AMPD1: variants seen among roughly 807,000 people sequenced by gnomAD.
The protein encoded by AMPD1 is adenosine monophosphate deaminase 1, also known as AMP deaminase 1.
In AMPD1, 74 loss-of-function variants were observed where a neutral mutation model predicts 82.9. The observed-to-expected ratio is 0.89, with a 90% CI of 0.74 to 1.08. AMPD1 has a LOEUF of 1.08. AMPD1 is among the 50% of genes least tolerant of loss of function. The pLI is 0.00. For missense variants in AMPD1, 881 were observed against 924.5 expected, an observed-to-expected ratio of 0.95 and a Z score of 0.61; for synonymous variants, 333 against 320.5, an observed-to-expected ratio of 1.04 and a Z score of -0.42.
rs768544368 is a variant in AMPD1 at position 114,674,809 on chromosome 1, A to G, written c.1743T>C (p.His581=). ...CTGCTATCATGAATGCTGTCATGAG[A>G]TGGGTGAGGGCTCCAGCTTCTCCAC... ...PHCGEAGALT[H]LMTAFMIADD... Residue 581 remains histidine, a synonymous_variant, in exon 13 of 16, where the codon CAT becomes CAC. Coordinates refer to ENST00000520113, the MANE Select transcript of AMPD1 (RefSeq NM_000036.3). The G allele has an allele frequency of 4.3e-6, 7 of 1,613,678 alleles. No homozygotes were observed. The highest frequency in any genetic ancestry group is 5.1e-6 in the Non-Finnish European group (6 of 1,179,712).
chr1:114,677,566 G>A (rs755390985), intron 9 of AMPD1, 52 bp from the exon 10 acceptor site: 3 of 1,610,074 alleles, frequency 1.9e-6, no homozygotes, highest in South Asian at 2.2e-5. Context: ...AGTTCCTCTG[G>A]GGTTCTAGGG....
intron 9 of AMPD1, 111 bp downstream of exon 9, chr1:114,677,796 TCCC>T (rs1658038423): frequency 4.1e-6 from 2 of 485,368 alleles, no homozygotes; most frequent in East Asian, 5.2e-5. Context: ...TTTCCCTCTC[TCCC>T]TCCTTCCTTC....
intron 15 of AMPD1, 82 bp from the exon 16 acceptor site, chr1:114,673,354 C>T: frequency 2.6e-6 from 4 of 1,527,192 alleles, no homozygotes; most frequent in South Asian, 2.3e-5. Flanking sequence ...TACAAAAATT[C>T]CTTCCTTATG....
At position 114,673,902 on chromosome 1, in the gene AMPD1, A is replaced by G. The variant is rs1657904647; in HGVS notation, c.1974+7T>C. 1 of 1,613,706 alleles carries G rather than the reference A, an allele frequency of 6.2e-7. No individual in the cohort carries two copies. Among genetic ancestry groups the G allele is most frequent in the Non-Finnish European group, 8.5e-7 (1 of 1,179,580 alleles). On this transcript the variant is annotated splice_region_variant and intron_variant, in intron 14 of 15. Coordinates refer to ENST00000520113, the MANE Select transcript of AMPD1 (RefSeq NM_000036.3). ...ATATGCTTGTATTGCCCAAGTCCATACTATACCTTGGTAAAGTGGAATTGC... is the reference window on the plus strand; with the variant it reads ...ATATGCTTGTATTGCCCAAGTCCATGCTATACCTTGGTAAAGTGGAATTGC...
intron 12 of AMPD1, 80 bp downstream of exon 12, chr1:114,675,450 C>G: frequency 3.4e-6 from 5 of 1,485,216 alleles, no homozygotes; most frequent in Non-Finnish European, 4.7e-6. Flanking sequence ...GCATGAGGCC[C>G]CTGACCACCT....
At chr1:114,695,016 C>T (rs550816202) in intron 1 of AMPD1, among the ~76,000 whole-genome samples, 4 of 152,014 alleles carry the variant, frequency 2.6e-5, no homozygotes, top group African/African-American at 4.8e-5. Flanking sequence ...AATTACTCTG[C>T]GTACAAACCT....
At chr1:114,682,476 AACTGGAG>A (rs1156729175) in intron 5 of AMPD1, among the ~76,000 whole-genome samples, 11 of 152,330 alleles carry the variant, frequency 7.2e-5, no homozygotes, top group Non-Finnish European at 1.3e-4. Context: ...TGTGTTACCA[AACTGGAG>A]ACATGTTTAA....
rs774999766 is a variant in AMPD1, at chr1:114,677,922, G to A, written c.1212C>T (p.Ala404=). The A allele has an allele frequency of 6.2e-6, 10 of 1,613,102 alleles. No homozygotes were observed. Among genetic ancestry groups the A allele is most frequent in the South Asian group, 1.1e-5 (1 of 91,056 alleles). ...GGTTCCGCCTCACCTTGATGATAGT[G>A]GCAAAATATTCCCCATTAATGTAAT... ...TDNYINGEYF[A]TIIKEVGADL... Residue 404 remains alanine (A), a synonymous_variant, in exon 9 of 16, where the codon GCC becomes GCT. Transcript: ENST00000520113.
rs757421343 is a variant in AMPD1, at chr1:114,681,468, G to C, written c.548-990C>G. Among the ~76,000 whole-genome samples the C allele has an allele frequency of 5.3e-5, 8 of 151,598 alleles. No homozygotes were observed. The East Asian group carries it at 1.4e-3, about 26-fold the overall frequency. ...AAATTAGTTGAGTGTGGTGGTGTGC[G>C]CCTGTAGTCCCAGCTACTCAGGAGG... On this transcript the variant is annotated intron_variant, in intron 5 of 15. Coordinates refer to ENST00000520113, the MANE Select transcript of AMPD1 (RefSeq NM_000036.3).
chr1:114,674,682 A>G, intron 13 of AMPD1, 70 bp downstream of exon 13: 1 of 1,539,392 alleles, frequency 6.5e-7, no homozygotes, highest in Non-Finnish European at 9.0e-7. Flanking sequence ...TTGTGACAGT[A>G]TGGTTGGTTA....
chr1:114,678,768 G>C (rs1468242348), intron 7 of AMPD1, among the ~76,000 whole-genome samples: 1 of 152,080 alleles, frequency 6.6e-6, no homozygotes, highest in Non-Finnish European at 1.5e-5. Context: ...CTGTATATCT[G>C]TACATCCAAT....
At chr1:114,686,962 C>A (rs1658339524) in intron 3 of AMPD1, 52 bp from the exon 4 acceptor site, 3 of 1,561,988 alleles carry the variant, frequency 1.9e-6, no homozygotes, top group South Asian at 1.1e-5. Context: ...TCAGGCGTTT[C>A]ATTGTGATAG....
Position 114,675,923 on chromosome 1 carries a change from G to A in AMPD1, c.1469C>T (p.Thr490Ile), listed in dbSNP as rs1657968687. The A allele has an allele frequency of 2.5e-6, 4 of 1,614,078 alleles. No homozygotes were observed. Among genetic ancestry groups the A allele is most frequent in the Non-Finnish European group, 3.4e-6 (4 of 1,180,042 alleles). Residue 490 changes from threonine (T) to isoleucine (I), a missense_variant, in exon 11 of 16, where the codon ACC becomes ATC. This residue lies in a region of AMPD1 where 783 missense variants were observed against 786.4 expected (regional missense o/e 1.00). Transcript: ENST00000520113. Reference sequence around the variant, plus strand: ...TTCTGGGTCAGCCTGGGGGTTGATGGTGGCCTCAAACACTGGCATGAAAAT... The same window carrying A: ...TTCTGGGTCAGCCTGGGGGTTGATGATGGCCTCAAACACTGGCATGAAAAT... The part of the protein sequence containing the change: ...ENIFMPVFEA[T>I]INPQADPELS...
At chr1:114,677,274 G>A (rs567725333) in intron 10 of AMPD1, 77 bp downstream of exon 10, 24 of 1,573,592 alleles carry the variant, frequency 1.5e-5, no homozygotes, top group African/African-American at 4.1e-5. Context: ...TGGGCAACAC[G>A]TTCCTTGTTC....
At chr1:114,677,311 C>A (rs1299112530) in intron 10 of AMPD1, 40 bp downstream of exon 10, 4 of 1,610,074 alleles carry the variant, frequency 2.5e-6, no homozygotes, top group South Asian at 2.2e-5. Flanking sequence ...GCAGATGAGA[C>A]AAGGGCAGGC....
Position 114,684,313 on chromosome 1 carries a change from A to T in AMPD1, c.433T>A (p.Cys145Ser). 1.9e-6 allele frequency: 3 copies of T among 1,614,124 alleles called. No homozygotes were observed. Among genetic ancestry groups the T allele is most frequent in the African/African-American group, 1.3e-5 (1 of 75,012 alleles). ...TTCTGCATGTATTTCTCACGTATGC[A>T]TAGTGCCCGATACAGACCTTTGCAA... The part of the protein sequence containing the change: ...IVCKGLYRAL[C>S]IREKYMQKSF... The change falls in exon 5 of 16, where the codon TGC (cysteine) becomes AGC (serine). Residue 145 changes from cysteine to serine, a missense_variant. Physicochemically the swap from Cys to Ser is moderately radical, Grantham distance 112. This residue lies in a region of AMPD1 where 783 missense variants were observed against 786.4 expected (regional missense o/e 1.00). Transcript: ENST00000520113.
chr1:114,678,034 TG>T lies in AMPD1; in HGVS notation c.1099del (p.Gln367ArgfsTer16). 1 of 1,614,012 alleles carries T rather than the reference TG, an allele frequency of 6.2e-7. No individual in the cohort carries two copies. The highest frequency in any genetic ancestry group is 8.5e-7 in the Non-Finnish European group (1 of 1,180,018). ...VDSLDVHAGR[Q>X]TFQRFDKFND... Reference sequence around the variant, plus strand: ...GAACTTATCAAAACGCTGGAAGGTCTGGCGTCCCTGAATCAGGAAAAAAGAG... The same window carrying T: ...GAACTTATCAAAACGCTGGAAGGTCTGCGTCCCTGAATCAGGAAAAAAGAG... On this transcript the variant is annotated frameshift_variant, in exon 9 of 16. Coordinates refer to ENST00000520113, the MANE Select transcript of AMPD1 (RefSeq NM_000036.3). LOFTEE classifies it high-confidence loss of function.
chr1:114,692,109 A>C (rs1658533248), intron 2 of AMPD1, among the ~76,000 whole-genome samples: 1 of 152,210 alleles, frequency 6.6e-6, no homozygotes, highest in South Asian at 2.1e-4. Context: ...CTTTAAAACT[A>C]TGCAGTACTG....
intron 10 of AMPD1, 112 bp from the exon 11 acceptor site, chr1:114,676,115 A>G (rs2101712355): frequency 7.9e-7 from 1 of 1,268,414 alleles, no homozygotes; most frequent in Non-Finnish European, 1.1e-6. Flanking sequence ...GACGTGGTAT[A>G]TCTATCCTAG....
Sources: gnomAD v4.1 joint callset for allele counts (sites outside exome capture counted in the v4.1 genomes callset) on GRCh38, gnomAD v4.1.1 for gene constraint, gnomAD v4.1.1 regional missense constraint, MANE v1.5 for transcripts, NCBI Gene and HGNC (gene_info 2026-07-23, HGNC 2026-07-21) for gene names.